Variants in HS1BP3 observed in about 807,000 individuals in gnomAD.
The protein encoded by HS1BP3 is HCLS1-binding protein 3.
A neutral mutation model predicts 33.5 loss-of-function variants in HS1BP3; 32 were observed. That is an observed-to-expected ratio of 0.95 (90% confidence interval 0.72 to 1.28). HS1BP3 has a LOEUF of 1.28. HS1BP3 is among the 50% of genes most tolerant of loss of function. The pLI, the probability that HS1BP3 is intolerant of heterozygous loss-of-function variation, is 0.00. For synonymous variants in HS1BP3, 187 were observed against 209.2 expected, an observed-to-expected ratio of 0.89 and a Z score of 0.92; for missense variants, 486 against 502.3, an observed-to-expected ratio of 0.97 and a Z score of 0.31.
At chr2:20,555,397 G>A in the HS1BP3 span, among the ~76,000 whole-genome samples, 1 of 152,232 alleles carries the variant, frequency 6.6e-6, no homozygotes, top group African/African-American at 2.4e-5. Flanking sequence ...AGAATGACAA[G>A]TTGGTGACAG....
chr2:20,633,814 C>A (rs191917577), intron 4 of HS1BP3, among the ~76,000 whole-genome samples: 1 of 152,250 alleles, frequency 6.6e-6, no homozygotes, highest in Non-Finnish European at 1.5e-5. Flanking sequence ...TGAGCTGCTG[C>A]GTCCGGCCAC....
intron 2 of HS1BP3, among the ~76,000 whole-genome samples, chr2:20,607,889 A>C (rs1694232712): frequency 6.6e-6 from 1 of 152,198 alleles, no homozygotes; most frequent in Non-Finnish European, 1.5e-5. Flanking sequence ...ATGAACATGG[A>C]ATGTCTTTTT....
chr2:20,610,218 C>T (rs536510330), intron 2 of HS1BP3, among the ~76,000 whole-genome samples: 1 of 152,266 alleles, frequency 6.6e-6, no homozygotes, highest in African/African-American at 2.4e-5. Flanking sequence ...ATGGACGCCT[C>T]CTTATCACCC....
chr2:20,581,695 G>A (rs1693537611), intron 5 of HS1BP3, among the ~76,000 whole-genome samples: 1 of 152,232 alleles, frequency 6.6e-6, no homozygotes, highest in Admixed American at 6.5e-5. Context: ...AGTCGTCTGG[G>A]CACAGCCTAC....
intron 3 of HS1BP3, among the ~76,000 whole-genome samples, chr2:20,597,493 A>G (rs905644814): frequency 1.2e-4 from 18 of 152,082 alleles, no homozygotes; most frequent in Non-Finnish European, 1.8e-4. Flanking sequence ...TAAGAAAAGG[A>G]AGTTGATTTC....
intron 3 of HS1BP3, among the ~76,000 whole-genome samples, chr2:20,593,548 C>G (rs1395641580): frequency 6.6e-6 from 1 of 152,206 alleles, no homozygotes; most frequent in Admixed American, 6.5e-5. Flanking sequence ...CTCTGAGCTC[C>G]TGGTGTACCT....
At position 20,618,537 on chromosome 2, in the gene HS1BP3, C is replaced by T. The variant is rs1694489338; in HGVS notation, c.*450G>A. 1.6e-5 allele frequency: 3 copies of T among 191,536 alleles called. No individual in the cohort carries two copies. The South Asian group carries it at 4.8e-4, about 31-fold the overall frequency. The allele number at this position is 191,536 out of a possible 1,614,324, so 11.9% of individuals were successfully genotyped here. On this transcript the variant is annotated 3_prime_UTR_variant, in exon 7 of 7. Coordinates refer to ENST00000304031, the MANE Select transcript of HS1BP3 (RefSeq NM_022460.4). The stretch of plus-strand genomic sequence containing the variant: ...GGGAAGGGGAGGATACCGGTCACTC[C>T]TTCTTACTATGCGAACAGAGGCAGA...
At chr2:20,554,326 G>A in the HS1BP3 span, among the ~76,000 whole-genome samples, 2 of 152,178 alleles carry the variant, frequency 1.3e-5, no homozygotes, top group Non-Finnish European at 2.9e-5. Flanking sequence ...CGTCTCAATA[G>A]CCTGACACAC....
downstream of HS1BP3, among the ~76,000 whole-genome samples, chr2:20,558,863 G>A (rs1050070388): frequency 6.6e-6 from 1 of 152,310 alleles, no homozygotes. Context: ...CTGGGTGGGC[G>A]CTGCTGGGCT....
downstream of HS1BP3, among the ~76,000 whole-genome samples, chr2:20,613,042 C>A (rs1379965013): frequency 6.6e-6 from 1 of 152,122 alleles, no homozygotes; most frequent in Non-Finnish European, 1.5e-5. Context: ...ATGAAGCCAT[C>A]TGGGGATGGG....
intron 3 of HS1BP3, among the ~76,000 whole-genome samples, chr2:20,594,490 G>A (rs959140057): frequency 3.9e-5 from 6 of 152,174 alleles, no homozygotes; most frequent in Non-Finnish European, 8.8e-5. Flanking sequence ...CCCTATGCTG[G>A]GGTTGAAGTT....
chr2:20,647,775 G>T (rs546838545), intron 1 of HS1BP3, among the ~76,000 whole-genome samples: 1 of 152,220 alleles, frequency 6.6e-6, no homozygotes, highest in South Asian at 2.1e-4. Flanking sequence ...TGGGGGTGTG[G>T]TGGGCAGGAT....
rs772929770 is a variant in HS1BP3, at chr2:20,611,489, C to T, written c.178+12407G>A. On this transcript the variant is annotated intron_variant, in intron 2 of 3. Coordinates refer to the HS1BP3 transcript ENST00000415264. The surrounding 1 kb of genome is among the most constrained non-coding windows in gnomAD (Gnocchi z 4.9). ...AGTTCAGGGACCAGGAGAGGGAAAC[C>T]GATGTGTTTACTTCCTGTCTCCATG... Among the ~76,000 whole-genome samples, 8 of 152,154 alleles carry T rather than the reference C, an allele frequency of 5.3e-5. No homozygotes were observed. Among genetic ancestry groups the T allele is most frequent in the Non-Finnish European group, 1.2e-4 (8 of 68,032 alleles).
the HS1BP3 span, among the ~76,000 whole-genome samples, chr2:20,555,126 C>T: frequency 1.3e-5 from 2 of 152,240 alleles, no homozygotes; most frequent in Non-Finnish European, 2.9e-5. Context: ...CATTGTCTCA[C>T]TAAGCTCACT....
At chr2:20,591,894 G>A (rs1693824566), downstream of HS1BP3, among the ~76,000 whole-genome samples, 4 of 152,150 alleles carry the variant, frequency 2.6e-5, no homozygotes, top group South Asian at 8.3e-4. Context: ...TTTCTGAGCA[G>A]CGAACACCCC....
In HS1BP3 at chr2:20,624,858, C is replaced by G; in HGVS notation, c.658G>C (p.Val220Leu). The change falls in exon 5 of 7, where the codon GTG becomes CTG. Residue 220 changes from valine (V) to leucine (L), a missense_variant. By Grantham distance (32) the Val-to-Leu change is conservative. Transcript: ENST00000304031. ...AGCCGGGGCGAGGGCTTGGCTTTCACGGCCACTTTGGGATGTTTCTTGGGC... is the reference window on the plus strand; with the variant it reads ...AGCCGGGGCGAGGGCTTGGCTTTCAGGGCCACTTTGGGATGTTTCTTGGGC... ...KKPKKHPKVA[V>L]KAKPSPRLTI... 6.2e-7 allele frequency: 1 copy of G among 1,613,680 alleles called. No homozygotes were observed. Among genetic ancestry groups the G allele is most frequent in the Non-Finnish European group, 8.5e-7 (1 of 1,179,928 alleles).
chr2:20,631,590 T>C (rs554887591), intron 4 of HS1BP3, among the ~76,000 whole-genome samples: 1 of 148,106 alleles, frequency 6.8e-6, no homozygotes, highest in Non-Finnish European at 1.5e-5. Context: ...ACGTTTATCA[T>C]TTGCTATGGT....
At chr2:20,604,823 C>T (rs773326025) in intron 2 of HS1BP3, among the ~76,000 whole-genome samples, 2 of 152,092 alleles carry the variant, frequency 1.3e-5, no homozygotes, top group Non-Finnish European at 2.9e-5. Flanking sequence ...GACTCTGCCA[C>T]GGAGTCTGGG....
At chr2:20,629,644 G>T (rs1694907831) in intron 4 of HS1BP3, among the ~76,000 whole-genome samples, 1 of 152,238 alleles carries the variant, frequency 6.6e-6, no homozygotes, top group Non-Finnish European at 1.5e-5. Context: ...GCCCACAGAG[G>T]TTGCATGAGG....
Sources: gnomAD v4.1 joint callset for allele counts (sites outside exome capture counted in the v4.1 genomes callset) on GRCh38, gnomAD v4.1.1 for gene constraint, Gnocchi (gnomAD v3.1) non-coding constraint, MANE v1.5 for transcripts, NCBI Gene and HGNC (gene_info 2026-07-23, HGNC 2026-07-21) for gene names.